RDX: variants seen among roughly 807,000 people sequenced by gnomAD.
The protein encoded by RDX is radixin, also known as deafness, autosomal recessive 24.
Under a neutral mutation model 83.7 loss-of-function variants are expected in RDX, and 32 were observed. That is an observed-to-expected ratio of 0.38 (90% CI 0.29 to 0.51). RDX has a LOEUF of 0.51. RDX is among the 20% of genes least tolerant of loss of function. The probability of loss-of-function intolerance (pLI) is 0.87; values close to 1 mark genes in which losing one functional copy is unlikely to be tolerated. For missense variants in RDX, 600 were observed against 689.9 expected (o/e 0.87, Z 1.46); for synonymous variants, 229 against 222.7 (o/e 1.03, Z -0.25).
intron 15 of RDX, among the ~76,000 whole-genome samples, chr11:110,178,691 C>T (rs1862824122): frequency 6.6e-6 from 1 of 152,154 alleles, no homozygotes; most frequent in Admixed American, 6.5e-5. Context: ...GACAGAGCAC[C>T]TTCCAGGGAC....
chr11:110,287,999 TAGC>T (rs1861055623), intron 1 of RDX, among the ~76,000 whole-genome samples: 1 of 152,216 alleles, frequency 6.6e-6, no homozygotes, highest in Non-Finnish European at 1.5e-5. Flanking sequence ...TCTCTATTGT[TAGC>T]AGGTCAAGAG....
intron 10 of RDX, among the ~76,000 whole-genome samples, chr11:110,245,249 G>A (rs913710477): frequency 9.9e-5 from 15 of 152,038 alleles, no homozygotes; most frequent in Non-Finnish European, 2.1e-4. Flanking sequence ...ACCACGCCTG[G>A]CCAAATTTTT....
At position 110,238,532 on chromosome 11, in the gene RDX, T is replaced by C. The variant is rs760069448; in HGVS notation, c.1091-880A>G. 6.4e-4 allele frequency among the ~76,000 whole-genome samples: 97 copies of C among 152,308 alleles called. 1 individual carries two copies. The highest frequency in any genetic ancestry group is 3.4e-3 in the Middle Eastern group (1 of 294). On this transcript the variant is annotated intron_variant, in intron 10 of 13. Coordinates refer to ENST00000645495, the MANE Select transcript of RDX (RefSeq NM_002906.4). ...GTATACTAAGAAAATCTATATGTCA[T>C]GAAATTTGAAAGCTAACTGTAACTT...
intron 9 of RDX, among the ~76,000 whole-genome samples, chr11:110,251,885 G>A (rs957898212): frequency 5.3e-5 from 8 of 152,082 alleles, no homozygotes; most frequent in East Asian, 1.9e-4. Flanking sequence ...TAGGGAAAGA[G>A]GTCTCTTTGC....
chr11:110,204,998 G>T (rs574510623), intron 14 of RDX, among the ~76,000 whole-genome samples: 1 of 152,204 alleles, frequency 6.6e-6, no homozygotes, highest in African/African-American at 2.4e-5. Context: ...CAGATATCAA[G>T]ACTTGTTAAA....
intron 5 of RDX, among the ~76,000 whole-genome samples, chr11:110,260,425 G>T (rs1169035546): frequency 1.3e-5 from 2 of 152,086 alleles, no homozygotes; most frequent in East Asian, 3.9e-4. Flanking sequence ...TGGCTTCCAT[G>T]ATATAATACT....
At chr11:110,268,801 G>C (rs1860168470) in intron 3 of RDX, among the ~76,000 whole-genome samples, 1 of 151,706 alleles carries the variant, frequency 6.6e-6, no homozygotes, top group Non-Finnish European at 1.5e-5. Context: ...ATTTTAGTGA[G>C]GCTGTCCTTT....
rs1455440858 is a variant in RDX, at chr11:110,231,506, T to G, written c.*363A>C. On this transcript the variant is annotated 3_prime_UTR_variant, in exon 14 of 14. Transcript: ENST00000645495. ...ATATGGAAAGGGCAAGGGAAACCCATTAAAATGTTCACCATTATCCTTTAA... is the reference window on the plus strand; with the variant it reads ...ATATGGAAAGGGCAAGGGAAACCCAGTAAAATGTTCACCATTATCCTTTAA... 7.3e-6 allele frequency: 2 copies of G among 272,310 alleles called. No homozygotes were observed. The highest frequency in any genetic ancestry group is 9.5e-5 in the Admixed American group (2 of 20,986). The allele number at this position is 272,310 out of a possible 1,614,324, so 16.9% of individuals were successfully genotyped here. A position where few individuals can be genotyped will look rare whatever the true frequency, so the allele number is the denominator to read the frequency against.
At chr11:110,252,546 C>G (rs947335708) in intron 9 of RDX, among the ~76,000 whole-genome samples, 4 of 151,950 alleles carry the variant, frequency 2.6e-5, no homozygotes, top group African/African-American at 9.7e-5. Context: ...CTTTAAGAGA[C>G]AGTGAAATCT....
At chr11:110,251,002 A>G (rs1859314116) in intron 9 of RDX, among the ~76,000 whole-genome samples, 1 of 152,132 alleles carries the variant, frequency 6.6e-6, no homozygotes, top group African/African-American at 2.4e-5. Context: ...ACTGGCCCAT[A>G]GGCACACCAC....
chr11:110,276,122 T>C (rs1205424560), intron 2 of RDX, among the ~76,000 whole-genome samples: 1 of 152,184 alleles, frequency 6.6e-6, no homozygotes, highest in Non-Finnish European at 1.5e-5. Context: ...TTCCATACTC[T>C]GGAGTCATAA....
At chr11:110,271,992 A>G (rs967725264) in intron 3 of RDX, among the ~76,000 whole-genome samples, 2 of 152,214 alleles carry the variant, frequency 1.3e-5, no homozygotes, top group Non-Finnish European at 2.9e-5. Flanking sequence ...TATTTAAAGG[A>G]TTTTATAAAA....
At position 110,233,459 on chromosome 11, in the gene RDX, G is replaced by C. The variant is rs201761918; in HGVS notation, c.1365C>G (p.Asp455Glu). The change falls in exon 13 of 14, where the codon GAC (aspartate) becomes GAG (glutamate). Residue 455 changes from aspartate (D) to glutamate (E), a missense_variant. Transcript: ENST00000645495. Reference sequence around the variant, plus strand: ...TTAACTCTTCTTTGGTCTTTTCCAAGTCTTCCTGGGCTGCAAAAGCCTGAA... The same window carrying C: ...TTAACTCTTCTTTGGTCTTTTCCAACTCTTCCTGGGCTGCAAAAGCCTGAA... ...WQHKAFAAQE[D>E]LEKTKEELKT... is the part of the protein sequence containing the mutation. 6.2e-7 allele frequency: 1 copy of C among 1,614,086 alleles called. No individual in the cohort carries two copies.
At chr11:110,232,290 T>C (rs562544696) in intron 13 of RDX, among the ~76,000 whole-genome samples, 117 of 152,320 alleles carry the variant, frequency 7.7e-4, no homozygotes, top group African/African-American at 2.2e-3. Context: ...ATACTTGAAA[T>C]GGCTAAAAAG....
At chr11:110,267,526 ACAC>A (rs1324086532) in intron 3 of RDX, among the ~76,000 whole-genome samples, 1 of 136,472 alleles carries the variant, frequency 7.3e-6, no homozygotes, top group African/African-American at 2.9e-5. Flanking sequence ...ACACACACAC[ACAC>A]ACACACACAC....
intron 10 of RDX, among the ~76,000 whole-genome samples, chr11:110,242,405 G>C (rs1369298922): frequency 6.7e-6 from 1 of 148,294 alleles, no homozygotes; most frequent in Non-Finnish European, 1.5e-5. Context: ...TCGCACTCCA[G>C]CCTAGGGGAC....
At chr11:110,272,273 C>T (rs1860337933) in intron 3 of RDX, among the ~76,000 whole-genome samples, 1 of 152,168 alleles carries the variant, frequency 6.6e-6, no homozygotes, top group Admixed American at 6.5e-5. Context: ...CCCTTTTAGT[C>T]ACCATTACAA....
At chr11:110,184,968 C>A (rs1201784723) in intron 15 of RDX, 1 of 152,222 alleles carries the variant, frequency 6.6e-6, no homozygotes, top group Non-Finnish European at 1.5e-5. Flanking sequence ...ACACTCTGCT[C>A]TGGCCTTCTC....
chr11:110,255,322 T>C lies in RDX; in HGVS notation c.762A>G (p.Lys254=), dbSNP rs1261645566. Reference sequence around the variant, plus strand: ...TTTTGTCGATTGGCTTTATAACAAATTTTTTGTCATTAAATGAAATATTTC... The same window carrying C: ...TTTTGTCGATTGGCTTTATAACAAACTTTTTGTCATTAAATGAAATATTTC... ...EIRNISFNDK[K]FVIKPIDKKA... The change falls in exon 8 of 14, where the codon AAA becomes AAG. Residue 254 remains lysine (K), a synonymous_variant. Coordinates refer to ENST00000645495, the MANE Select transcript of RDX (RefSeq NM_002906.4). The C allele has an allele frequency of 1.9e-6, 3 of 1,590,588 alleles. No individual in the cohort carries two copies. Among genetic ancestry groups the C allele is most frequent in the Admixed American group, 1.7e-5 (1 of 59,878 alleles).
Sources: gnomAD v4.1 joint callset for allele counts (sites outside exome capture counted in the v4.1 genomes callset) on GRCh38, gnomAD v4.1.1 for gene constraint, MANE v1.5 for transcripts, NCBI Gene and HGNC (gene_info 2026-07-23, HGNC 2026-07-21) for gene names.